WNT3A: variants seen among roughly 807,000 people sequenced by gnomAD.
WNT3A encodes the protein protein Wnt-3a.
A neutral mutation model predicts 37.0 loss-of-function variants in WNT3A; 17 were observed. The observed-to-expected ratio is 0.46, with a 90% CI of 0.31 to 0.69. The LOEUF (loss-of-function observed/expected upper bound fraction) is 0.69, where lower values mean the gene tolerates loss of function less well. WNT3A is among the 30% of genes least tolerant of loss of function. The pLI, the probability that WNT3A is intolerant of heterozygous loss-of-function variation, is 0.05. For synonymous variants in WNT3A, 187 were observed against 211.0 expected (o/e 0.89, Z 0.99); for missense variants, 411 against 510.2 (o/e 0.81, Z 1.87).
chr1:228,029,187 C>T (rs1052847249), intron 2 of WNT3A, among the ~76,000 whole-genome samples: 1 of 152,184 alleles, frequency 6.6e-6, no homozygotes, highest in African/African-American at 2.4e-5. Flanking sequence ...TGACTACTTT[C>T]CAGAGAGCTA....
rs1011732844 is a variant in WNT3A, at chr1:228,038,814, G to A, written c.314-11842G>A. On this transcript the variant is annotated intron_variant, in intron 2 of 3. Coordinates refer to ENST00000284523, the MANE Select transcript of WNT3A (RefSeq NM_033131.4). This position sits in a 1 kb window ranked among gnomAD's most constrained non-coding sequence, Gnocchi z 5.7. ...GAGTACAGGGAGACTGCTCCTCACT[G>A]GTGCATGGAAAGGGCTGGCAGATCA... 2.0e-5 allele frequency among the ~76,000 whole-genome samples: 3 copies of A among 152,214 alleles called. No individual in the cohort carries two copies. The highest frequency in any genetic ancestry group is 6.5e-5 in the Admixed American group (1 of 15,286).
chr1:228,040,971 T>TTATATA (rs4065965), intron 2 of WNT3A, among the ~76,000 whole-genome samples: 1,563 of 138,102 alleles, frequency 0.011, 17 homozygotes, highest in East Asian at 0.038. Flanking sequence ...GGTAGATATT[T>TTATATA]TATATATATA....
At chr1:228,023,803 C>A (rs368498749) in intron 2 of WNT3A, among the ~76,000 whole-genome samples, 1 of 152,216 alleles carries the variant, frequency 6.6e-6, no homozygotes, top group African/African-American at 2.4e-5. Flanking sequence ...GAAATCTGTG[C>A]GCATTAAGCA....
At chr1:228,010,543 C>G (rs1169290247) in intron 1 of WNT3A, among the ~76,000 whole-genome samples, 1 of 152,220 alleles carries the variant, frequency 6.6e-6, no homozygotes, top group Non-Finnish European at 1.5e-5. Flanking sequence ...TAGCCACCGT[C>G]GCTGCCTAGT....
At position 228,031,981 on chromosome 1, in the gene WNT3A, T is replaced by G. The variant is rs976138836; in HGVS notation, c.313+9073T>G. On this transcript the variant is annotated intron_variant, in intron 2 of 3. Transcript: ENST00000284523. This position sits in a 1 kb window ranked among gnomAD's most constrained non-coding sequence, Gnocchi z 4.8. ...CTGTCCTGCTTGGAGCCATACCAGG[T>G]GATGGAGGAAGGCTGTGCTGCATGG... 2.0e-5 allele frequency among the ~76,000 whole-genome samples: 3 copies of G among 152,028 alleles called. No individual in the cohort carries two copies. Among genetic ancestry groups the G allele is most frequent in the Non-Finnish European group, 2.9e-5 (2 of 68,002 alleles).
At chr1:228,052,494 C>T (rs1014138094) in intron 3 of WNT3A, among the ~76,000 whole-genome samples, 1 of 150,300 alleles carries the variant, frequency 6.7e-6, no homozygotes, top group African/African-American at 2.5e-5. Flanking sequence ...AACATTCAGA[C>T]CACAGCAGCT....
At position 228,007,075 on chromosome 1, in the gene WNT3A, G is replaced by A. The variant is rs1228462455; in HGVS notation, c.-54G>A. ...CAGCTCCCAGGGCCCGGCCCCCCCC[G>A]GCGCTCACGCTCTCGGGGCGGACTC... On this transcript the variant is annotated 5_prime_UTR_variant, in exon 1 of 4. Coordinates refer to ENST00000284523, the MANE Select transcript of WNT3A (RefSeq NM_033131.4). This position sits in a 1 kb window ranked among gnomAD's most constrained non-coding sequence, Gnocchi z 6.0. 3.3e-5 allele frequency: 46 copies of A among 1,400,040 alleles called. No individual in the cohort carries two copies. The highest frequency in any genetic ancestry group is 5.0e-5 in the Admixed American group (2 of 39,696). 86.7% of individuals were successfully genotyped at this position (1,400,040 alleles called of 1,614,324 possible). A position where few individuals can be genotyped will look rare whatever the true frequency, so the allele number is the denominator to read the frequency against.
At position 228,060,826 on chromosome 1, in the gene WNT3A, G is replaced by GC. The variant is rs1188255657; in HGVS notation, c.*1364dup. Reference sequence around the variant, plus strand: ...GAAGAGAGGTCCAGCCCCCCAGGCTGCCCAGAGCTGCTGGTCTCATTTGGG... The same window carrying GC: ...GAAGAGAGGTCCAGCCCCCCAGGCTGCCCCAGAGCTGCTGGTCTCATTTGGG... On this transcript the variant is annotated 3_prime_UTR_variant, in exon 4 of 4. Coordinates refer to ENST00000284523, the MANE Select transcript of WNT3A (RefSeq NM_033131.4). 6.5e-6 allele frequency: 1 copy of GC among 153,270 alleles called. No homozygotes were observed. The highest frequency in any genetic ancestry group is 1.5e-5 in the Non-Finnish European group (1 of 68,786). 9.5% of individuals were successfully genotyped at this position (153,270 alleles called of 1,614,324 possible).
intron 3 of WNT3A, among the ~76,000 whole-genome samples, chr1:228,055,173 AAAAAAAATAT>A (rs2031651196): frequency 4.1e-5 from 3 of 72,348 alleles, no homozygotes; most frequent in East Asian, 9.3e-4. Flanking sequence ...AAAAAAAAAA[AAAAAAAATAT>A]ATATATATAT....
Position 228,059,180 on chromosome 1 carries a change from G to A in WNT3A, c.774G>A (p.Pro258=), listed in dbSNP as rs561601259. The A allele has an allele frequency of 2.0e-5, 33 of 1,613,058 alleles. No homozygotes were observed. Among genetic ancestry groups the A allele is most frequent in the Middle Eastern group, 1.7e-4 (1 of 6,060 alleles). The change falls in exon 4 of 4, where the codon CCG becomes CCA. Residue 258 remains proline (P), a synonymous_variant. Coordinates refer to ENST00000284523, the MANE Select transcript of WNT3A (RefSeq NM_033131.4). ...GCGGCTGGGTGGAGACCCTGCGGCC[G>A]CGCTACACCTACTTCAAGGTGCCCA... ...ESRGWVETLR[P]RYTYFKVPTE...
chr1:228,049,969 G>C (rs1285739197), intron 2 of WNT3A, among the ~76,000 whole-genome samples: 1 of 151,662 alleles, frequency 6.6e-6, no homozygotes, highest in Admixed American at 6.6e-5. Context: ...TGTAGAGATG[G>C]GGTCTTGCTA....
At chr1:228,040,943 CT>C (rs2031267884) in intron 2 of WNT3A, among the ~76,000 whole-genome samples, 1 of 145,730 alleles carries the variant, frequency 6.9e-6, no homozygotes, top group Admixed American at 6.9e-5. Flanking sequence ...TTCAAAGGTC[CT>C]TTTCTGAAGT....
chr1:228,055,158 C>CAAA (rs34263332), intron 3 of WNT3A, among the ~76,000 whole-genome samples: 6 of 15,768 alleles, frequency 3.8e-4, no homozygotes, highest in East Asian at 2.2e-3. Context: ...AACTCCGTCC[C>CAAA]AAAAAAAAAA....
chr1:228,022,622 C>G (rs768143365), intron 1 of WNT3A, 45 bp from the exon 2 acceptor site: 2 of 1,580,464 alleles, frequency 1.3e-6, no homozygotes, highest in African/African-American at 2.7e-5. Flanking sequence ...TCATCTGTGT[C>G]GCTGTCCCAG....
At chr1:228,048,854 G>C (rs923960034) in intron 2 of WNT3A, among the ~76,000 whole-genome samples, 9 of 152,160 alleles carry the variant, frequency 5.9e-5, no homozygotes, top group Middle Eastern at 3.4e-3. Context: ...GCCTGGCTGG[G>C]GTCCTGGCCT....
intron 1 of WNT3A, among the ~76,000 whole-genome samples, chr1:228,020,577 A>T (rs2102764226): frequency 6.6e-6 from 1 of 152,334 alleles, no homozygotes; most frequent in Admixed American, 6.5e-5. Flanking sequence ...ATGGAAAAAG[A>T]CTACCCAGCT....
chr1:228,013,001 C>T (rs2030418607), intron 1 of WNT3A, among the ~76,000 whole-genome samples: 1 of 152,174 alleles, frequency 6.6e-6, no homozygotes, highest in South Asian at 2.1e-4. Context: ...ATCTCAGCCT[C>T]CTGAGTAGCT....
chr1:228,060,525 G>C lies in WNT3A; in HGVS notation c.*1060G>C. 1 of 294,450 alleles carries C rather than the reference G, an allele frequency of 3.4e-6. No homozygotes were observed. Among genetic ancestry groups the C allele is most frequent in the South Asian group, 3.1e-5 (1 of 32,678 alleles). 18.2% of individuals were successfully genotyped at this position (294,450 alleles called of 1,614,324 possible). ...AGTCCTGGGAGAGGACAGGGACTTC[G>C]CAGAGGCAAGCGACCGAGGCCCTCC... On this transcript the variant is annotated 3_prime_UTR_variant, in exon 4 of 4. Coordinates refer to ENST00000284523, the MANE Select transcript of WNT3A (RefSeq NM_033131.4).
intron 1 of WNT3A, among the ~76,000 whole-genome samples, chr1:228,013,730 A>G (rs567650523): frequency 2.0e-5 from 3 of 152,172 alleles, no homozygotes; most frequent in Non-Finnish European, 4.4e-5. Context: ...GTGAGAAGAA[A>G]CCAGAACCTT....
Sources: gnomAD v4.1 joint callset for allele counts (sites outside exome capture counted in the v4.1 genomes callset) on GRCh38, gnomAD v4.1.1 for gene constraint, Gnocchi (gnomAD v3.1) non-coding constraint, MANE v1.5 for transcripts, NCBI Gene and HGNC (gene_info 2026-07-23, HGNC 2026-07-21) for gene names.